Variants in NPR1 observed in about 807,000 individuals in gnomAD.
NPR1 encodes the protein natriuretic peptide receptor 1, also known as atrial natriuretic peptide receptor 1.
Under a neutral mutation model 116.9 loss-of-function variants are expected in NPR1, and 57 were observed. The observed-to-expected ratio is 0.49, with a 90% CI of 0.39 to 0.61. The LOEUF is 0.61. Among genes scored for constraint, NPR1 ranks in the 20% least tolerant of loss-of-function variants. NPR1 has a pLI of 0.00. For synonymous variants in NPR1, 555 were observed against 601.6 expected (o/e 0.92, Z 1.13); for missense variants, 1,096 against 1,409.8 (o/e 0.78, Z 3.56).
Position 153,688,790 on chromosome 1 carries a change from C to T in NPR1, c.2418-163C>T, listed in dbSNP as rs1309760987. 10 of 746,090 alleles carry T rather than the reference C, an allele frequency of 1.3e-5. No homozygotes were observed. In the East Asian group the frequency reaches 1.8e-4, roughly 14 times the overall value. 46.2% of individuals were successfully genotyped at this position (746,090 alleles called of 1,614,324 possible). A position where few individuals can be genotyped will look rare whatever the true frequency, so the allele number is the denominator to read the frequency against. ...TCTCAGAAAAGAATTGAACTTTCTT[C>T]CTTCTGTTTTCCCCTGCTCCCCGGT... On this transcript the variant is annotated intron_variant, in intron 15 of 21. Transcript: ENST00000368680.
intron 3 of NPR1, 132 bp from the exon 4 acceptor site, chr1:153,681,572 C>T (rs1346512153): frequency 3.2e-6 from 3 of 936,562 alleles, no homozygotes; most frequent in East Asian, 5.1e-5. Flanking sequence ...AGTAAAATCT[C>T]CCTGTGATAT....
chr1:153,689,932 C>T lies in NPR1; in HGVS notation c.2884C>T (p.Arg962Cys), dbSNP rs755552818. 8.4e-5 allele frequency: 131 copies of T among 1,551,120 alleles called. No homozygotes were observed. The highest frequency in any genetic ancestry group is 4.5e-4 in the South Asian group (38 of 84,482). ...LLDAVRSFRI[R>C]HRPQEQLRLR... ...GGATGCTGTGCGCTCCTTCCGAATC[C>T]GCCACCGGCCCCAGGAGCAGCTGCG... Residue 962 changes from arginine (R) to cysteine (C), a missense_variant, in exon 19 of 22, where the codon CGC becomes TGC. Transcript: ENST00000368680. This position sits in a 1 kb window ranked among gnomAD's most constrained non-coding sequence, Gnocchi z 5.1.
intron 20 of NPR1, among the ~76,000 whole-genome samples, chr1:153,690,955 A>C (rs866695089): frequency 3.3e-5 from 5 of 150,114 alleles, no homozygotes; most frequent in African/African-American, 7.3e-5. Context: ...AAAAAAAAAA[A>C]AAAAAAAAAA....
In NPR1 at chr1:153,679,778, G is replaced by A; in HGVS notation, c.670G>A (p.Asp224Asn). ...TVDHLEFAED[D>N]LSHYTRLLRT... ...GGACCACCTGGAGTTCGCCGAGGACGACCTCAGCCACTACACCAGGCTGCT... is the reference window on the plus strand; with the variant it reads ...GGACCACCTGGAGTTCGCCGAGGACAACCTCAGCCACTACACCAGGCTGCT... The change falls in exon 1 of 22, where the codon GAC (aspartate) becomes AAC (asparagine). Residue 224 changes from aspartate (D) to asparagine (N), a missense_variant. Transcript: ENST00000368680. The surrounding 1 kb of genome is among the most constrained non-coding windows in gnomAD (Gnocchi z 4.2). 2 of 1,561,158 alleles carry A rather than the reference G, an allele frequency of 1.3e-6. No homozygotes were observed. Among genetic ancestry groups the A allele is most frequent in the Non-Finnish European group, 1.7e-6 (2 of 1,157,760 alleles).
At chr1:153,686,535 G>T in intron 10 of NPR1, 111 bp from the exon 11 acceptor site, 2 of 898,842 alleles carry the variant, frequency 2.2e-6, no homozygotes, top group African/African-American at 1.7e-5. Context: ...CTTAGTGATG[G>T]TTGCAGAAAG....
chr1:153,687,172 CA>C, intron 12 of NPR1, 27 bp from the exon 13 acceptor site: 2 of 1,613,992 alleles, frequency 1.2e-6, no homozygotes, highest in Non-Finnish European at 1.7e-6. Context: ...CACTCCTGGC[CA>C]ATACCTCTGC....
At chr1:153,684,937 G>A (rs369922125) in intron 7 of NPR1, 27 bp from the exon 8 acceptor site, 5 of 1,613,218 alleles carry the variant, frequency 3.1e-6, no homozygotes, top group Non-Finnish European at 4.2e-6. Context: ...CTCAGCCACA[G>A]GCTCAGATGC....
chr1:153,687,539 AT>A (rs1669965048), intron 13 of NPR1, 94 bp from the exon 14 acceptor site: 4 of 1,492,274 alleles, frequency 2.7e-6, no homozygotes, highest in Non-Finnish European at 2.7e-6. Context: ...ACACTCTGTG[AT>A]GCATCCAGAT....
Position 153,678,793 on chromosome 1 carries a change from TTCTCTCTCTCTC to T in NPR1, c.-304_-293del. ...TTCACGAAGCGCTCACTCGCACCCTTTCTCTCTCTCTCTCTCTCTCTCTAACACGCACGCACA... is the reference window on the plus strand; with the variant it reads ...TTCACGAAGCGCTCACTCGCACCCTTTCTCTCTCTCTAACACGCACGCACA... On this transcript the variant is annotated 5_prime_UTR_variant, in exon 1 of 22. Coordinates refer to ENST00000368680, the MANE Select transcript of NPR1 (RefSeq NM_000906.4). The surrounding 1 kb of genome is among the most constrained non-coding windows in gnomAD (Gnocchi z 5.8). The T allele has an allele frequency of 2.9e-6, 1 of 341,870 alleles. No individual in the cohort carries two copies. Among genetic ancestry groups the T allele is most frequent in the Non-Finnish European group, 5.2e-6 (1 of 191,124 alleles). 21.2% of individuals were successfully genotyped at this position (341,870 alleles called of 1,614,324 possible).
chr1:153,683,298 T>C, intron 5 of NPR1, 78 bp from the exon 6 acceptor site: 1 of 1,505,388 alleles, frequency 6.6e-7, no homozygotes, highest in Non-Finnish European at 9.0e-7. Context: ...CTGGGGTAGG[T>C]GGGAGGTGAG....
chr1:153,686,161 C>G lies in NPR1; in HGVS notation c.1719C>G (p.Arg573=). The G allele has an allele frequency of 6.2e-7, 1 of 1,614,150 alleles. No individual in the cohort carries two copies. Among genetic ancestry groups the G allele is most frequent in the Non-Finnish European group, 8.5e-7 (1 of 1,180,032 alleles). ...LVAVKRVNRK[R]IELTRKVLFE... is the part of the protein sequence containing the mutation. ...CTGTGAAACGTGTGAACCGTAAACG[C>G]ATTGAGCTGACACGAAAAGTCCTGT... Residue 573 remains arginine, a synonymous_variant, in exon 10 of 22, where the codon CGC becomes CGG. Coordinates refer to ENST00000368680, the MANE Select transcript of NPR1 (RefSeq NM_000906.4).
At position 153,689,290 on chromosome 1, in the gene NPR1, G is replaced by A. The variant is rs146236347; in HGVS notation, c.2667G>A (p.Ser889=). Residue 889 remains serine, a synonymous_variant, in exon 17 of 22, where the codon TCG becomes TCA. Transcript: ENST00000368680. This position sits in a 1 kb window ranked among gnomAD's most constrained non-coding sequence, Gnocchi z 5.1. ...ACATTGTGGGTTTCACAGCGCTGTC[G>A]GCGGAGAGCACACCCATGCAGGTAG... is the stretch of plus-strand genomic sequence containing the variant. ...FSDIVGFTAL[S]AESTPMQVVT... 3.2e-5 allele frequency: 51 copies of A among 1,614,060 alleles called. No individual in the cohort carries two copies. The highest frequency in any genetic ancestry group is 1.6e-4 in the Middle Eastern group (1 of 6,084).
At chr1:153,682,717 G>A in intron 5 of NPR1, 128 bp downstream of exon 5, 1 of 721,878 alleles carries the variant, frequency 1.4e-6, no homozygotes, top group South Asian at 1.6e-5. Context: ...ACACTTACAA[G>A]AGCCCTGGAT....
chr1:153,681,940 A>G, intron 4 of NPR1, 101 bp downstream of exon 4: 2 of 1,404,058 alleles, frequency 1.4e-6, no homozygotes, highest in Non-Finnish European at 1.9e-6. Flanking sequence ...GCAGTTACCT[A>G]TGCACACCAG....
At chr1:153,692,828 ATTTAG>A (rs765017877) in intron 20 of NPR1, among the ~76,000 whole-genome samples, 3 of 152,038 alleles carry the variant, frequency 2.0e-5, no homozygotes, top group African/African-American at 4.8e-5. Context: ...TTTTAACTGT[ATTTAG>A]TTTAAATTAA....
chr1:153,686,675 C>T lies in NPR1; in HGVS notation c.1788C>T (p.Thr596=), dbSNP rs1376868507. The part of the protein sequence containing the change: ...HMRDVQNEHL[T]RFVGACTDPP... ...GGGATGTGCAGAATGAACACCTGAC[C>T]AGGTTTGTGGGAGCCTGCACCGACC... The change falls in exon 11 of 22, where the codon ACC becomes ACT. Residue 596 remains threonine, a synonymous_variant. Transcript: ENST00000368680. 1 of 1,613,850 alleles carries T rather than the reference C, an allele frequency of 6.2e-7. No individual in the cohort carries two copies. The highest frequency in any genetic ancestry group is 1.7e-5 in the Admixed American group (1 of 59,986).
Position 153,687,675 on chromosome 1 carries a change from C to T in NPR1, c.2134C>T (p.Pro712Ser), listed in dbSNP as rs1446655416. The T allele has an allele frequency of 3.7e-6, 6 of 1,603,348 alleles. No individual in the cohort carries two copies. Among genetic ancestry groups the T allele is most frequent in the South Asian group, 3.3e-5 (3 of 90,674 alleles). The change falls in exon 14 of 22, where the codon CCC (proline) becomes TCC (serine). Residue 712 changes from proline to serine, a missense_variant. Coordinates refer to ENST00000368680, the MANE Select transcript of NPR1 (RefSeq NM_000906.4). ...CCCTGAGCTCCTGCGAATGGCTTCACCCCCTGTGCGGGGCTCCCAGGCTGG... is the reference window on the plus strand; with the variant it reads ...CCCTGAGCTCCTGCGAATGGCTTCATCCCCTGTGCGGGGCTCCCAGGCTGG... The part of the protein sequence containing the change: ...TAPELLRMAS[P>S]PVRGSQAGDV...
At position 153,679,270 on chromosome 1, in the gene NPR1, C is replaced by T. The variant is rs1185989711; in HGVS notation, c.162C>T (p.Arg54=). Residue 54 remains arginine (R), a synonymous_variant, in exon 1 of 22, where the codon CGC becomes CGT. Transcript: ENST00000368680. The surrounding 1 kb of genome is among the most constrained non-coding windows in gnomAD (Gnocchi z 4.2). ...CCTCGTACCCCTGGTCGTGGGCGCGCGTGGGACCCGCCGTGGAGCTGGCCC... is the reference window on the plus strand; with the variant it reads ...CCTCGTACCCCTGGTCGTGGGCGCGTGTGGGACCCGCCGTGGAGCTGGCCC... ...ANTSYPWSWA[R]VGPAVELALA... 5.9e-6 allele frequency: 9 copies of T among 1,527,890 alleles called. No individual in the cohort carries two copies. The highest frequency in any genetic ancestry group is 7.9e-6 in the Non-Finnish European group (9 of 1,142,880). 94.6% of individuals were successfully genotyped at this position (1,527,890 alleles called of 1,614,324 possible). A position where few individuals can be genotyped will look rare whatever the true frequency, so the allele number is the denominator to read the frequency against.
In NPR1 at chr1:153,679,412, G is replaced by T; in HGVS notation, c.304G>T (p.Val102Leu). The change falls in exon 1 of 22, where the codon GTG (valine) becomes TTG (leucine). Residue 102 changes from valine (V) to leucine (L), a missense_variant. By Grantham distance (32) the Val-to-Leu change is conservative (BLOSUM62 1). Coordinates refer to ENST00000368680, the MANE Select transcript of NPR1 (RefSeq NM_000906.4). This position sits in a 1 kb window ranked among gnomAD's most constrained non-coding sequence, Gnocchi z 4.2. ...CSDTAAPLAA[V>L]DLKWEHNPAV... ...CGACACCGCAGCGCCCCTGGCCGCG[G>T]TGGACCTCAAGTGGGAGCACAACCC... 2.6e-6 allele frequency: 4 copies of T among 1,542,084 alleles called. No homozygotes were observed. Among genetic ancestry groups the T allele is most frequent in the Non-Finnish European group, 3.5e-6 (4 of 1,148,694 alleles).
Sources: allele counts gnomAD v4.1 joint callset (sites outside exome capture counted in the v4.1 genomes callset), GRCh38; gene constraint gnomAD v4.1.1; non-coding constraint Gnocchi (gnomAD v3.1); transcripts MANE v1.5; gene names NCBI Gene and HGNC (gene_info 2026-07-23, HGNC 2026-07-21).